Variants in UGT1A8 observed in about 807,000 individuals in gnomAD.
UGT1A8 encodes the protein UDP-glucuronosyltransferase 1A8.
A neutral mutation model predicts 45.3 loss-of-function variants in UGT1A8; 39 were observed. That is an observed-to-expected ratio of 0.86 (90% CI 0.67 to 1.12). The LOEUF is 1.12. Ranked by LOEUF, UGT1A8 falls within the 50% of genes most tolerant of loss-of-function variation. The probability of loss-of-function intolerance (pLI) is 0.00; values close to 1 mark genes in which losing one functional copy is unlikely to be tolerated. For missense variants in UGT1A8, 719 were observed against 664.9 expected, an observed-to-expected ratio of 1.08 and a Z score of -0.90; for synonymous variants, 275 against 249.2, an observed-to-expected ratio of 1.10 and a Z score of -0.97.
intron 1 of UGT1A8, among the ~76,000 whole-genome samples, chr2:233,627,619 TCC>T (rs1491569023): frequency 1.4e-5 from 2 of 147,760 alleles, no homozygotes; most frequent in African/African-American, 5.1e-5. Context: ...CTTCCTTCCT[TCC>T]TTTCTTCCTT....
chr2:233,631,052 T>C (rs1428895689), intron 1 of UGT1A8, among the ~76,000 whole-genome samples: 1 of 152,080 alleles, frequency 6.6e-6, no homozygotes, highest in Non-Finnish European at 1.5e-5. Flanking sequence ...GTTCTCATTG[T>C]CCAACTCCTA....
At position 233,773,098 on chromosome 2, in the gene UGT1A8, G is replaced by T; in HGVS notation, c.*539G>T. 6.4e-6 allele frequency: 1 copy of T among 156,852 alleles called. No homozygotes were observed. The highest frequency in any genetic ancestry group is 6.1e-5 in the Admixed American group (1 of 16,412). 9.7% of individuals were successfully genotyped at this position (156,852 alleles called of 1,614,324 possible). ...AATGGCTTGGAGTGCACTGAGAACA[G>T]CATATGATTTCTTGCTTTGGGGAAA... On this transcript the variant is annotated 3_prime_UTR_variant, in exon 5 of 5. Coordinates refer to ENST00000373450, the MANE Select transcript of UGT1A8 (RefSeq NM_019076.5).
intron 1 of UGT1A8, among the ~76,000 whole-genome samples, chr2:233,702,589 A>G (rs2075695060): frequency 6.6e-6 from 1 of 152,126 alleles, no homozygotes; most frequent in Admixed American, 6.6e-5. Flanking sequence ...TCTTAACTGG[A>G]GATTTTTTGA....
At chr2:233,706,092 C>A (rs1187555358) in intron 1 of UGT1A8, among the ~76,000 whole-genome samples, 1 of 148,852 alleles carries the variant, frequency 6.7e-6, no homozygotes, top group Non-Finnish European at 1.5e-5. Context: ...TAGATTCTGT[C>A]TTAAAAAAAA....
chr2:233,676,320 C>G (rs574707496), intron 1 of UGT1A8, among the ~76,000 whole-genome samples: 1 of 152,252 alleles, frequency 6.6e-6, no homozygotes, highest in Admixed American at 6.5e-5. Context: ...TGTTGAGTGA[C>G]TTTTCTTACA....
At chr2:233,770,636 C>A (rs184236335) in intron 4 of UGT1A8, 1 of 149,556 alleles carries the variant, frequency 6.7e-6, no homozygotes, top group Non-Finnish European at 1.5e-5. Context: ...CCAGCCTGGG[C>A]GACAGAGTGA....
At chr2:233,650,632 A>G (rs1371424560) in intron 1 of UGT1A8, among the ~76,000 whole-genome samples, 7 of 152,256 alleles carry the variant, frequency 4.6e-5, no homozygotes, top group Admixed American at 3.9e-4. Context: ...TTTTTTTTAA[A>G]GCATCAGTGA....
At chr2:233,690,799 A>C (rs2075016587) in intron 1 of UGT1A8, 2 of 1,084,250 alleles carry the variant, frequency 1.8e-6, no homozygotes, top group Non-Finnish European at 2.3e-6. Flanking sequence ...ACACACACAC[A>C]CCATTCTTAG....
intron 1 of UGT1A8, among the ~76,000 whole-genome samples, chr2:233,725,738 A>G (rs1198511442): frequency 6.6e-6 from 1 of 152,210 alleles, no homozygotes; most frequent in Non-Finnish European, 1.5e-5. Flanking sequence ...ACAAATGTAA[A>G]CATTGTAAGA....
intron 1 of UGT1A8, among the ~76,000 whole-genome samples, chr2:233,654,829 C>T (rs528579542): frequency 1.8e-4 from 28 of 152,294 alleles, no homozygotes; most frequent in African/African-American, 5.1e-4. Context: ...CAGTGGCTCA[C>T]GCCTGTAATC....
chr2:233,667,751 C>T (rs1278219241), intron 1 of UGT1A8, among the ~76,000 whole-genome samples: 1 of 152,180 alleles, frequency 6.6e-6, no homozygotes, highest in African/African-American at 2.4e-5. Flanking sequence ...CAAAAGAAGA[C>T]ATTTATGCAG....
chr2:233,691,628 G>A (rs10445704), intron 1 of UGT1A8: 398,723 of 985,222 alleles, frequency 0.4, 81,149 homozygotes, highest in South Asian at 0.46. Context: ...CAGCAGTGTG[G>A]TTAGCAGGCA....
chr2:233,644,570 G>GAATAAATA (rs142251670), intron 1 of UGT1A8, among the ~76,000 whole-genome samples: 349 of 151,278 alleles, frequency 2.3e-3, no homozygotes, highest in African/African-American at 7.3e-3. Context: ...CAAAAAATAA[G>GAATAAATA]AATAAATAAA....
chr2:233,682,379 G>A (rs768980340), intron 1 of UGT1A8: 1 of 1,613,868 alleles, frequency 6.2e-7, no homozygotes, highest in African/African-American at 1.3e-5. Flanking sequence ...AGTGTTTCTC[G>A]ATCCTTTTGA....
intron 1 of UGT1A8, chr2:233,747,461 A>G (rs1413279224): frequency 3.7e-5 from 60 of 1,608,752 alleles, no homozygotes; most frequent in Admixed American, 5.0e-5. Flanking sequence ...ATGCCATTTC[A>G]TGGACCCAGG....
chr2:233,728,446 A>G (rs1222950362), intron 1 of UGT1A8, among the ~76,000 whole-genome samples: 1 of 152,128 alleles, frequency 6.6e-6, no homozygotes, highest in African/African-American at 2.4e-5. Context: ...TATATGGAGA[A>G]TCCTCAACAA....
intron 1 of UGT1A8, chr2:233,672,631 G>A (rs1268856154): frequency 6.2e-7 from 1 of 1,613,892 alleles, no homozygotes; most frequent in Non-Finnish European, 8.5e-7. Flanking sequence ...AATAGCCTCT[G>A]AAATTCTCCA....
intron 1 of UGT1A8, among the ~76,000 whole-genome samples, chr2:233,662,018 C>T (rs1004026511): frequency 3.3e-5 from 5 of 152,112 alleles, no homozygotes; most frequent in Non-Finnish European, 7.4e-5. Context: ...ACTTGCAACA[C>T]TTGAACTCCC....
At position 233,662,860 on chromosome 2, in the gene UGT1A8, A is replaced by G. The variant is rs28948068; in HGVS notation, c.855+44298A>G. Reference sequence around the variant, plus strand: ...CAGATATGAATTTTGGACTCTGTCAAACACTTTTTCTGTAACTATTAAGAT... The same window carrying G: ...CAGATATGAATTTTGGACTCTGTCAGACACTTTTTCTGTAACTATTAAGAT... On this transcript the variant is annotated intron_variant, in intron 1 of 4. Transcript: ENST00000373450. 9.1e-3 allele frequency among the ~76,000 whole-genome samples: 1,391 copies of G among 152,044 alleles called. 10 individuals are homozygous for G. Among genetic ancestry groups the G allele is most frequent in the Admixed American group, 0.018 (280 of 15,254 alleles).
Sources: allele counts gnomAD v4.1 joint callset (sites outside exome capture counted in the v4.1 genomes callset), GRCh38; gene constraint gnomAD v4.1.1; transcripts MANE v1.5; gene names NCBI Gene and HGNC (gene_info 2026-07-23, HGNC 2026-07-21).